The following NTN4 variants were observed in gnomAD, a reference collection of about 807,000 sequenced individuals.
NTN4 encodes the protein netrin-4.
In NTN4, 32 loss-of-function variants were observed where a neutral mutation model predicts 73.6. That is an observed-to-expected ratio of 0.44 (90% CI 0.33 to 0.58). The LOEUF (loss-of-function observed/expected upper bound fraction) is 0.58. Ranked by LOEUF, NTN4 falls within the 20% of genes least tolerant of loss-of-function variation. NTN4 has a pLI of 0.04. For synonymous variants in NTN4, 258 were observed against 287.5 expected (o/e 0.90, Z 1.04); for missense variants, 654 against 798.3 (o/e 0.82, Z 2.18).
intron 6 of NTN4, 77 bp from the exon 7 acceptor site, chr12:95,682,899 T>A: frequency 1.3e-6 from 1 of 793,134 alleles, no homozygotes; most frequent in Non-Finnish European, 2.1e-6. Context: ...TATAGAGATT[T>A]AAACCTTATC....
chr12:95,765,639 G>A (rs1029903185), intron 2 of NTN4, among the ~76,000 whole-genome samples: 2 of 152,178 alleles, frequency 1.3e-5, no homozygotes, highest in Non-Finnish European at 2.9e-5. Context: ...GCCTCGGAAG[G>A]TGCTAGACAT....
intron 2 of NTN4, among the ~76,000 whole-genome samples, chr12:95,749,661 T>C (rs992758097): frequency 5.3e-5 from 8 of 152,212 alleles, no homozygotes; most frequent in Admixed American, 3.9e-4. Context: ...TCTCTGATTA[T>C]ACACCCACGT....
At chr12:95,741,202 C>T (rs763633537) in intron 2 of NTN4, among the ~76,000 whole-genome samples, 30 of 151,040 alleles carry the variant, frequency 2.0e-4, no homozygotes, top group Non-Finnish European at 4.4e-4. Flanking sequence ...TTCCAAGACC[C>T]CCAAGGGATG....
chr12:95,764,595 G>A (rs2121253445), intron 2 of NTN4, among the ~76,000 whole-genome samples: 1 of 151,776 alleles, frequency 6.6e-6, no homozygotes, highest in East Asian at 1.9e-4. Flanking sequence ...AACCCAGGAG[G>A]CGGAGGTTGC....
chr12:95,666,032 T>C (rs962352907), intron 8 of NTN4, 52 bp from the exon 9 acceptor site: 5 of 1,320,654 alleles, frequency 3.8e-6, no homozygotes, highest in African/African-American at 1.5e-5. Flanking sequence ...CATTTGAAGT[T>C]TGAATAACAC....
chr12:95,704,941 T>G (rs2078512444), intron 5 of NTN4, among the ~76,000 whole-genome samples: 1 of 152,144 alleles, frequency 6.6e-6, no homozygotes, highest in Non-Finnish European at 1.5e-5. Context: ...AAGAACTAAA[T>G]TGGTGTTGGT....
chr12:95,763,943 G>A (rs1269310524), intron 2 of NTN4, among the ~76,000 whole-genome samples: 1 of 152,154 alleles, frequency 6.6e-6, no homozygotes, highest in Non-Finnish European at 1.5e-5. Flanking sequence ...TGGAATGCAA[G>A]ACTGAAGTTC....
chr12:95,714,985 G>GATAA (rs1240567457), intron 3 of NTN4, among the ~76,000 whole-genome samples: 9 of 152,202 alleles, frequency 5.9e-5, no homozygotes, highest in Admixed American at 5.2e-4. Context: ...CTTGACCTAA[G>GATAA]ATAACACTCA....
intron 2 of NTN4, among the ~76,000 whole-genome samples, chr12:95,754,762 C>T (rs7294430): frequency 0.8 from 121,438 of 151,786 alleles, 48,988 homozygotes; most frequent in South Asian, 0.9. Flanking sequence ...TCCTATAAAA[C>T]GGCCCCACCC....
At chr12:95,696,802 T>C (rs376455241) in intron 5 of NTN4, among the ~76,000 whole-genome samples, 1 of 152,206 alleles carries the variant, frequency 6.6e-6, no homozygotes, top group Non-Finnish European at 1.5e-5. Flanking sequence ...CAGATTATTC[T>C]GCACCTTCCC....
In NTN4 at chr12:95,744,990, C is replaced by T. The variant is rs576769890; in HGVS notation, c.586-6846G>A. On this transcript the variant is annotated intron_variant, in intron 2 of 9. Coordinates refer to ENST00000343702, the MANE Select transcript of NTN4 (RefSeq NM_021229.4). ...TCTGCCTCCGCTGTCTTCAGGCTTACGTTGTTTCCAACAAAAAGCTTTTGT... is the reference window on the plus strand; with the variant it reads ...TCTGCCTCCGCTGTCTTCAGGCTTATGTTGTTTCCAACAAAAAGCTTTTGT... Among the ~76,000 whole-genome samples the T allele has an allele frequency of 5.3e-5, 8 of 152,112 alleles. 1 individual carries two copies. The highest frequency in any genetic ancestry group is 1.9e-4 in the East Asian group (1 of 5,182).
chr12:95,682,884 G>A, intron 6 of NTN4, 62 bp from the exon 7 acceptor site: 1 of 929,094 alleles, frequency 1.1e-6, no homozygotes, highest in Non-Finnish European at 1.7e-6. Context: ...GTATAGAAAT[G>A]AATCTATAGA....
Position 95,732,922 on chromosome 12 carries a change from A to T in NTN4, c.864+4944T>A, listed in dbSNP as rs1592692247. Reference sequence around the variant, plus strand: ...TGAATGATTCTAAAACCTGCCTTATACAGCTAGGTAGCTAAGGAACATTTT... The same window carrying T: ...TGAATGATTCTAAAACCTGCCTTATTCAGCTAGGTAGCTAAGGAACATTTT... On this transcript the variant is annotated intron_variant, in intron 3 of 9. Coordinates refer to ENST00000343702, the MANE Select transcript of NTN4 (RefSeq NM_021229.4). Among the ~76,000 whole-genome samples the T allele has an allele frequency of 2.6e-5, 4 of 152,220 alleles. No homozygotes were observed. The East Asian group carries it at 7.7e-4, about 29-fold the overall frequency.
chr12:95,788,289 C>T (rs2079184103), intron 1 of NTN4, among the ~76,000 whole-genome samples: 2 of 152,192 alleles, frequency 1.3e-5, no homozygotes, highest in Admixed American at 6.5e-5. Context: ...TACAGTCTGG[C>T]AGCCACTAAC....
chr12:95,779,135 A>T (rs891261373), intron 2 of NTN4, among the ~76,000 whole-genome samples: 2 of 152,224 alleles, frequency 1.3e-5, no homozygotes, highest in African/African-American at 4.8e-5. Context: ...CTCTCAATAA[A>T]TTAGGTATTG....
rs963990863 is a variant in NTN4, at chr12:95,701,481, C to T, written c.1180+8960G>A. On this transcript the variant is annotated intron_variant, in intron 5 of 9. Coordinates refer to ENST00000343702, the MANE Select transcript of NTN4 (RefSeq NM_021229.4). ...AGTGATCTCCCCAGTCTTAAAAAAA[C>T]AAACAACATCCCTGGAATCCTCAGA... Among the ~76,000 whole-genome samples the T allele has an allele frequency of 2.4e-4, 37 of 151,978 alleles. 1 individual carries two copies. Among genetic ancestry groups the T allele is most frequent in the Admixed American group, 6.6e-5 (1 of 15,258 alleles).
chr12:95,683,754 A>T, intron 5 of NTN4, 43 bp from the exon 6 acceptor site: 1 of 1,492,542 alleles, frequency 6.7e-7, no homozygotes, highest in Non-Finnish European at 9.2e-7. Context: ...CTGACTGTAG[A>T]TCACCCGTGT....
intron 2 of NTN4, among the ~76,000 whole-genome samples, chr12:95,778,067 T>C (rs1362536847): frequency 6.6e-6 from 1 of 151,772 alleles, no homozygotes; most frequent in African/African-American, 2.4e-5. Flanking sequence ...GACTACTGGG[T>C]ACATAACGAA....
At chr12:95,724,279 T>C (rs1007301958) in intron 3 of NTN4, among the ~76,000 whole-genome samples, 9 of 152,250 alleles carry the variant, frequency 5.9e-5, no homozygotes, top group African/African-American at 9.6e-5. Context: ...GATAAGATCA[T>C]ACTGTTACCA....
Sources: gnomAD v4.1 joint callset for allele counts (sites outside exome capture counted in the v4.1 genomes callset) on GRCh38, gnomAD v4.1.1 for gene constraint, MANE v1.5 for transcripts, NCBI Gene and HGNC (gene_info 2026-07-23, HGNC 2026-07-21) for gene names.